Variants in TTC38 observed in about 807,000 individuals in gnomAD.
TTC38 encodes tetratricopeptide repeat domain 38.
Under a neutral mutation model 64.2 loss-of-function variants are expected in TTC38, and 64 were observed. That is an observed-to-expected ratio of 1.00 (90% CI 0.81 to 1.23). The LOEUF (loss-of-function observed/expected upper bound fraction) is 1.23, where lower values mean the gene tolerates loss of function less well. Among genes scored for constraint, TTC38 ranks in the 50% most tolerant of loss-of-function variants. The probability of loss-of-function intolerance (pLI) is 0.00; values close to 1 mark genes in which losing one functional copy is unlikely to be tolerated. For synonymous variants in TTC38, 254 were observed against 249.3 expected (o/e 1.02, Z -0.18); for missense variants, 573 against 615.5 (o/e 0.93, Z 0.73).
At position 46,281,848 on chromosome 22, in the gene TTC38, C is replaced by T. The variant is rs543886357; in HGVS notation, c.735+130C>T. ...GGGGTTCCCTCTCCTCCTCCACCTG[C>T]ACCTGCCTCAGGTGTTTGGCTGCTG... On this transcript the variant is annotated intron_variant, in intron 7 of 13. Transcript: ENST00000381031. This position sits in a 1 kb window ranked among gnomAD's most constrained non-coding sequence, Gnocchi z 5.2. The T allele has an allele frequency of 8.1e-7, 1 of 1,230,766 alleles. No individual in the cohort carries two copies. Among genetic ancestry groups the T allele is most frequent in the East Asian group, 2.4e-5 (1 of 41,274 alleles). The allele number at this position is 1,230,766 out of a possible 1,614,324, so 76.2% of individuals were successfully genotyped here.
chr22:46,289,332 GA>G, intron 11 of TTC38, 69 bp from the exon 12 acceptor site: 1 of 1,556,734 alleles, frequency 6.4e-7, no homozygotes. Context: ...CGCTGAGGAA[GA>G]AATGGCTCTG....
chr22:46,285,146 G>A, intron 8 of TTC38, 95 bp from the exon 9 acceptor site: 1 of 1,091,382 alleles, frequency 9.2e-7, no homozygotes, highest in South Asian at 1.2e-5. Context: ...GAGACCATGT[G>A]CTCAGGGGTC....
chr22:46,281,980 A>G lies in TTC38; in HGVS notation c.735+262A>G. The stretch of plus-strand genomic sequence containing the variant: ...TTCTCTGTCCTTACAGGGCCTGGTC[A>G]GGAGGAGCGAGCAGCCTCTTCAAAG... On this transcript the variant is annotated intron_variant, in intron 7 of 13. Transcript: ENST00000381031. The surrounding 1 kb of genome is among the most constrained non-coding windows in gnomAD (Gnocchi z 5.2). 1 of 614,880 alleles carries G rather than the reference A, an allele frequency of 1.6e-6. No individual in the cohort carries two copies. The highest frequency in any genetic ancestry group is 1.5e-5 in the South Asian group (1 of 65,714). 38.1% of individuals were successfully genotyped at this position (614,880 alleles called of 1,614,324 possible).
intron 12 of TTC38, 130 bp from the exon 13 acceptor site, chr22:46,289,696 G>T (rs2077599071): frequency 6.8e-7 from 1 of 1,465,424 alleles, no homozygotes; most frequent in Admixed American, 1.7e-5. Context: ...CTCCCGCCGT[G>T]TAAGTTCGTC....
Position 46,289,541 on chromosome 22 carries a change from C to T in TTC38, c.1222C>T (p.Leu408Phe). The stretch of plus-strand genomic sequence containing the variant: ...GCCCATCCGCTACCGGATCGTCCAG[C>T]TCGGTGGGAGCAATGCCCAGGTGAG... ...LLPIRYRIVQ[L>F]GGSNAQRDVF... The change falls in exon 12 of 14, where the codon CTC becomes TTC. Residue 408 changes from leucine (L) to phenylalanine (F), a missense_variant. Leu to Phe is a conservative substitution (Grantham distance 22, BLOSUM62 0). This residue lies in a region of TTC38 where 371 missense variants were observed against 381.8 expected (regional missense o/e 0.97). Transcript: ENST00000381031. The T allele has an allele frequency of 7.5e-6, 12 of 1,595,910 alleles. No homozygotes were observed. Among genetic ancestry groups the T allele is most frequent in the Non-Finnish European group, 1.0e-5 (12 of 1,172,502 alleles).
chr22:46,283,807 GTGT>G (rs2077551496), intron 7 of TTC38, among the ~76,000 whole-genome samples, 163 bp from the exon 8 acceptor site: 1 of 135,178 alleles, frequency 7.4e-6, no homozygotes, highest in African/African-American at 2.9e-5. Flanking sequence ...AGCCAAGATC[GTGT>G]CACTACACTC....
Position 46,293,075 on chromosome 22 carries a change from C to T in TTC38, c.*191C>T. The T allele has an allele frequency of 1.7e-6, 1 of 572,194 alleles. No individual in the cohort carries two copies. 35.4% of individuals were successfully genotyped at this position (572,194 alleles called of 1,614,324 possible). A position where few individuals can be genotyped will look rare whatever the true frequency, so the allele number is the denominator to read the frequency against. On this transcript the variant is annotated 3_prime_UTR_variant, in exon 14 of 14. Transcript: ENST00000381031. The surrounding 1 kb of genome is among the most constrained non-coding windows in gnomAD (Gnocchi z 6.6). ...TGTGATTCCGAATCTCCTTTCAGTCCTCGAGAAGGGCCAATGAGCATTTTT... is the reference window on the plus strand; with the variant it reads ...TGTGATTCCGAATCTCCTTTCAGTCTTCGAGAAGGGCCAATGAGCATTTTT...
intron 12 of TTC38, 23 bp from the exon 13 acceptor site, chr22:46,289,803 C>A: frequency 5.0e-6 from 8 of 1,613,626 alleles, no homozygotes; most frequent in Non-Finnish European, 6.8e-6. Context: ...ACAGGAGACT[C>A]ACATGCCCGA....
Position 46,274,144 on chromosome 22 carries a change from A to G in TTC38, c.365+75A>G, listed in dbSNP as rs1936958059. ...GGAGTGGCAGGGTATCCCTTTCCTG[A>G]TGCCCTTGGGACGGGGGCGGGGTGG... On this transcript the variant is annotated intron_variant, in intron 4 of 13. Transcript: ENST00000381031. This position sits in a 1 kb window ranked among gnomAD's most constrained non-coding sequence, Gnocchi z 4.8. The G allele has an allele frequency of 3.4e-5, 17 of 502,328 alleles. No homozygotes were observed. Among genetic ancestry groups the G allele is most frequent in the East Asian group, 1.1e-4 (2 of 18,992 alleles). The allele number at this position is 502,328 out of a possible 1,614,324, so 31.1% of individuals were successfully genotyped here. A position where few individuals can be genotyped will look rare whatever the true frequency, so the allele number is the denominator to read the frequency against.
Position 46,287,025 on chromosome 22 carries a change from A to G in TTC38, c.835-48A>G, listed in dbSNP as rs535102645. ...TGACCCTGGCTGTGCCTGCAGCCCC[A>G]TCATCTGGGCCACCCGCTGAGCCCG... On this transcript the variant is annotated intron_variant, in intron 9 of 13. Coordinates refer to ENST00000381031, the MANE Select transcript of TTC38 (RefSeq NM_017931.4). The G allele has an allele frequency of 8.0e-6, 12 of 1,495,366 alleles. No homozygotes were observed. In the South Asian group the frequency reaches 1.4e-4, roughly 18 times the overall value. The allele number at this position is 1,495,366 out of a possible 1,614,324, so 92.6% of individuals were successfully genotyped here. A position where few individuals can be genotyped will look rare whatever the true frequency, so the allele number is the denominator to read the frequency against.
In TTC38 at chr22:46,277,340, C is replaced by T. The variant is rs377098414; in HGVS notation, c.540-1246C>T. Reference sequence around the variant, plus strand: ...GAAGTGTGGGCGGGACGCAATGGCTCATGCCTGGAATCCCAGCACTTTGGG... The same window carrying T: ...GAAGTGTGGGCGGGACGCAATGGCTTATGCCTGGAATCCCAGCACTTTGGG... On this transcript the variant is annotated intron_variant, in intron 5 of 13. Transcript: ENST00000381031. 3.9e-5 allele frequency among the ~76,000 whole-genome samples: 6 copies of T among 152,134 alleles called. No individual in the cohort carries two copies. In the East Asian group the frequency reaches 5.8e-4, roughly 15 times the overall value.
In TTC38 at chr22:46,268,088, C is replaced by T. The variant is rs1207519015; in HGVS notation, c.33+16C>T. 4 of 1,538,664 alleles carry T rather than the reference C, an allele frequency of 2.6e-6. No homozygotes were observed. The highest frequency in any genetic ancestry group is 1.9e-5 in the Admixed American group (1 of 51,742). On this transcript the variant is annotated intron_variant, in intron 1 of 13. Coordinates refer to ENST00000381031, the MANE Select transcript of TTC38 (RefSeq NM_017931.4). ...CGACTGCCAGGTACACGGAGGCTGC[C>T]CCCAACCAGGTCCCCCTCGGGCCCC...
chr22:46,289,742 G>A (rs1299857165), intron 12 of TTC38, 84 bp from the exon 13 acceptor site: 1 of 1,523,094 alleles, frequency 6.6e-7, no homozygotes, highest in Non-Finnish European at 9.1e-7. Context: ...TGTCTCCCTG[G>A]AGAGCAGGCA....
At position 46,274,914 on chromosome 22, in the gene TTC38, C is replaced by T. The variant is rs1468961721; in HGVS notation, c.366-334C>T. Among the ~76,000 whole-genome samples, 2 of 152,180 alleles carry T rather than the reference C, an allele frequency of 1.3e-5. No individual in the cohort carries two copies. Among genetic ancestry groups the T allele is most frequent in the East Asian group, 3.8e-4 (2 of 5,200 alleles). On this transcript the variant is annotated intron_variant, in intron 4 of 13. Transcript: ENST00000381031. The surrounding 1 kb of genome is among the most constrained non-coding windows in gnomAD (Gnocchi z 4.8). ...AATCTCGGCTCACTGCCTCCACCTC[C>T]CGGGTTCAAGTGATTCTCCTGCCTC...
Position 46,271,631 on chromosome 22 carries a change from C to T in TTC38, c.112-704C>T, listed in dbSNP as rs1190171007. 6.6e-6 allele frequency among the ~76,000 whole-genome samples: 1 copy of T among 152,162 alleles called. No individual in the cohort carries two copies. The highest frequency in any genetic ancestry group is 2.4e-5 in the African/African-American group (1 of 41,446). ...CTGTCTCAGCCACCCAAGTCTCAGC[C>T]GCCCAAGTTGCTAGGACTACAGACA... On this transcript the variant is annotated intron_variant, in intron 2 of 13. Coordinates refer to ENST00000381031, the MANE Select transcript of TTC38 (RefSeq NM_017931.4). This position sits in a 1 kb window ranked among gnomAD's most constrained non-coding sequence, Gnocchi z 5.5.
intron 6 of TTC38, 58 bp downstream of exon 6, chr22:46,278,719 AG>A: frequency 3.8e-6 from 5 of 1,308,394 alleles, no homozygotes; most frequent in Non-Finnish European, 5.5e-6. Context: ...TGGCTGGACC[AG>A]GGCATATGAG....
chr22:46,289,281 C>T (rs1157166331), intron 11 of TTC38, 121 bp from the exon 12 acceptor site: 11 of 1,252,914 alleles, frequency 8.8e-6, no homozygotes, highest in Non-Finnish European at 1.2e-5. Context: ...CACCTCACCT[C>T]ATCAGTGTGG....
chr22:46,271,946 T>C lies in TTC38; in HGVS notation c.112-389T>C, dbSNP rs1015163766. Among the ~76,000 whole-genome samples, 1 of 152,200 alleles carries C rather than the reference T, an allele frequency of 6.6e-6. No homozygotes were observed. The highest frequency in any genetic ancestry group is 2.4e-5 in the African/African-American group (1 of 41,456). Reference sequence around the variant, plus strand: ...AGGTTATGCCTTCTTTGGGTTAGAGTCCAGAAAATACTCAGTGTTCTACAA... The same window carrying C: ...AGGTTATGCCTTCTTTGGGTTAGAGCCCAGAAAATACTCAGTGTTCTACAA... On this transcript the variant is annotated intron_variant, in intron 2 of 13. Coordinates refer to ENST00000381031, the MANE Select transcript of TTC38 (RefSeq NM_017931.4). The surrounding 1 kb of genome is among the most constrained non-coding windows in gnomAD (Gnocchi z 5.5).
rs1385434762 is a variant in TTC38 at position 46,293,217 on chromosome 22, G to C, written c.*333G>C. Reference sequence around the variant, plus strand: ...AGGTTGGAAGGCAGGGCAGAGGTGGGGGCTGATTCTGCTGGGACAGGTCTT... The same window carrying C: ...AGGTTGGAAGGCAGGGCAGAGGTGGCGGCTGATTCTGCTGGGACAGGTCTT... On this transcript the variant is annotated 3_prime_UTR_variant, in exon 14 of 14. Coordinates refer to ENST00000381031, the MANE Select transcript of TTC38 (RefSeq NM_017931.4). The surrounding 1 kb of genome is among the most constrained non-coding windows in gnomAD (Gnocchi z 6.6). 5 of 285,744 alleles carry C rather than the reference G, an allele frequency of 1.7e-5. No homozygotes were observed. The highest frequency in any genetic ancestry group is 2.7e-5 in the Non-Finnish European group (4 of 145,608). The allele number at this position is 285,744 out of a possible 1,614,324, so 17.7% of individuals were successfully genotyped here. A position where few individuals can be genotyped will look rare whatever the true frequency, so the allele number is the denominator to read the frequency against.
Sources: gnomAD v4.1 joint callset for allele counts (sites outside exome capture counted in the v4.1 genomes callset) on GRCh38, gnomAD v4.1.1 for gene constraint, gnomAD v4.1.1 regional missense constraint, Gnocchi (gnomAD v3.1) non-coding constraint, MANE v1.5 for transcripts, NCBI Gene and HGNC (gene_info 2026-07-23, HGNC 2026-07-21) for gene names.